The following KAZN variants were observed in gnomAD, a reference collection of about 807,000 sequenced individuals.
The protein encoded by KAZN is kazrin.
In KAZN, 40 loss-of-function variants were observed where a neutral mutation model predicts 87.4. That is an observed-to-expected ratio of 0.46 (90% CI 0.36 to 0.60). The LOEUF is 0.60. Among genes scored for constraint, KAZN ranks in the 20% least tolerant of loss-of-function variants. KAZN has a pLI of 0.00. For synonymous variants in KAZN, 466 were observed against 458.3 expected (o/e 1.02, Z -0.22); for missense variants, 898 against 1,073.9 (o/e 0.84, Z 2.29).
intron 1 of KAZN, among the ~76,000 whole-genome samples, chr1:14,763,723 G>A (rs929631377): frequency 8.5e-5 from 13 of 152,118 alleles, no homozygotes; most frequent in African/African-American, 2.9e-4. Flanking sequence ...GGGGAGATGG[G>A]ATGTAGGTAT....
At chr1:14,914,538 G>A (rs1657594568) in intron 1 of KAZN, among the ~76,000 whole-genome samples, 1 of 152,176 alleles carries the variant, frequency 6.6e-6, no homozygotes, top group African/African-American at 2.4e-5. Context: ...GGAGAGATGG[G>A]CACTTTAAGC....
chr1:14,604,073 C>A (rs987094338), intron 1 of KAZN, among the ~76,000 whole-genome samples: 2 of 152,290 alleles, frequency 1.3e-5, no homozygotes, highest in Admixed American at 6.5e-5. Flanking sequence ...CTTCTTACCC[C>A]CTGCCATATA....
intron 2 of KAZN, among the ~76,000 whole-genome samples, chr1:14,586,196 G>C (rs1675835925): frequency 6.6e-6 from 1 of 152,208 alleles, no homozygotes; most frequent in African/African-American, 2.4e-5. Flanking sequence ...TAAGATCAAA[G>C]GAATGCTTCC....
chr1:14,380,467 A>G (rs772130768), intron 2 of KAZN, among the ~76,000 whole-genome samples: 6 of 152,336 alleles, frequency 3.9e-5, no homozygotes, highest in Non-Finnish European at 5.9e-5. Context: ...AATTCAAGAT[A>G]ACACAAAGAA....
At chr1:14,598,348 G>GC (rs1292182272), upstream of KAZN, among the ~76,000 whole-genome samples, 1 of 152,116 alleles carries the variant, frequency 6.6e-6, no homozygotes, top group African/African-American at 2.4e-5. This position sits in a 1 kb window ranked among gnomAD's most constrained non-coding sequence, Gnocchi z 4.2. Flanking sequence ...CCCCTCTGAG[G>GC]CCCCCTTTCC....
chr1:15,039,320 C>T (rs1481163847), intron 3 of KAZN, among the ~76,000 whole-genome samples: 1 of 152,082 alleles, frequency 6.6e-6, no homozygotes, highest in African/African-American at 2.4e-5. Flanking sequence ...GGATGCAAAC[C>T]CAGGAGGTCT....
At chr1:14,442,458 G>A (rs576616757) in intron 2 of KAZN, among the ~76,000 whole-genome samples, 36 of 152,262 alleles carry the variant, frequency 2.4e-4, no homozygotes, top group Admixed American at 1.6e-3. Flanking sequence ...GTATGAGATC[G>A]TCACAGAGGA....
At chr1:14,247,171 T>A (rs1375338190) in intron 2 of KAZN, among the ~76,000 whole-genome samples, 1 of 152,202 alleles carries the variant, frequency 6.6e-6, no homozygotes, top group Non-Finnish European at 1.5e-5. Flanking sequence ...GTTACATTTT[T>A]AAAAATACGG....
In KAZN at chr1:14,217,591, T is replaced by C. The variant is rs563059969; in HGVS notation, c.249+36999T>C. Among the ~76,000 whole-genome samples, 103 of 152,048 alleles carry C rather than the reference T, an allele frequency of 6.8e-4. No homozygotes were observed. In the South Asian group the frequency reaches 0.018, roughly 27 times the overall value. ...CAAAGGAGATCCAACATACGTATAATAAGGGCTCCAAAGAAAATCAAAATG... is the reference window on the plus strand; with the variant it reads ...CAAAGGAGATCCAACATACGTATAACAAGGGCTCCAAAGAAAATCAAAATG... On this transcript the variant is annotated intron_variant, in intron 2 of 16. Coordinates refer to the KAZN transcript ENST00000636203.
chr1:14,280,955 A>G (rs1215387198), intron 2 of KAZN, among the ~76,000 whole-genome samples: 1 of 152,226 alleles, frequency 6.6e-6, no homozygotes, highest in Non-Finnish European at 1.5e-5. Context: ...TCACACAGGC[A>G]GTACACAGCC....
At chr1:15,082,590 C>A (rs894994445) in intron 8 of KAZN, among the ~76,000 whole-genome samples, 16 of 152,208 alleles carry the variant, frequency 1.1e-4, no homozygotes, top group African/African-American at 3.6e-4. Flanking sequence ...CAGGGACATG[C>A]GGGACCAGGA....
chr1:14,981,302 G>A (rs1666224751), intron 2 of KAZN, among the ~76,000 whole-genome samples: 1 of 152,226 alleles, frequency 6.6e-6, no homozygotes, highest in African/African-American at 2.4e-5. Flanking sequence ...GCTTGACCCA[G>A]TAGCACAGTT....
chr1:14,236,415 A>G (rs1043967197), intron 2 of KAZN, among the ~76,000 whole-genome samples: 1 of 152,154 alleles, frequency 6.6e-6, no homozygotes, highest in Non-Finnish European at 1.5e-5. Context: ...TTCTGAAGAT[A>G]ACTCAGGGTA....
chr1:14,867,854 T>C lies in KAZN; in HGVS notation c.227-92830T>C, dbSNP rs866119284. Among the ~76,000 whole-genome samples the C allele has an allele frequency of 8.2e-4, 104 of 127,094 alleles. 1 individual carries two copies. The highest frequency in any genetic ancestry group is 8.2e-3 in the Middle Eastern group (2 of 244). The allele number at this position is 127,094 out of a possible 152,430, so 83.4% of individuals were successfully genotyped here. On this transcript the variant is annotated intron_variant, in intron 1 of 14. Coordinates refer to ENST00000376030, the MANE Select transcript of KAZN (RefSeq NM_201628.3). Reference sequence around the variant, plus strand: ...TTTCCTGGGCTGAGCCAGTGATGTATATAAGGCTGTGGACTGCACTTGGAT... The same window carrying C: ...TTTCCTGGGCTGAGCCAGTGATGTACATAAGGCTGTGGACTGCACTTGGAT...
chr1:14,289,337 A>C (rs897113361), intron 2 of KAZN, among the ~76,000 whole-genome samples: 2 of 152,166 alleles, frequency 1.3e-5, no homozygotes, highest in African/African-American at 4.8e-5. Context: ...TAGGTCTCTA[A>C]GGACTTGCTT....
rs1246476894 is a variant in KAZN, at chr1:14,157,733, A to G, written c.92-22702A>G. Among the ~76,000 whole-genome samples the G allele has an allele frequency of 2.6e-5, 4 of 152,186 alleles. No individual in the cohort carries two copies. The South Asian group carries it at 6.2e-4, about 24-fold the overall frequency. ...TATTAGTCCATTTTCCCACTGCTAC[A>G]AAGATACTACTCAAGACTAGGTAAT... On this transcript the variant is annotated intron_variant, in intron 1 of 16. Coordinates refer to the KAZN transcript ENST00000636203.
intron 1 of KAZN, among the ~76,000 whole-genome samples, chr1:13,914,066 G>A (rs1297098535): frequency 6.6e-6 from 1 of 152,210 alleles, no homozygotes; most frequent in Non-Finnish European, 1.5e-5. Flanking sequence ...GAGAACCAAT[G>A]TGCTAGGATT....
chr1:14,532,455 T>TTTATTA (rs58279675), intron 2 of KAZN, among the ~76,000 whole-genome samples: 65 of 148,414 alleles, frequency 4.4e-4, no homozygotes, highest in African/African-American at 1.5e-3. Context: ...AACATGTGTT[T>TTTATTA]TTATTATTAT....
chr1:14,099,599 T>G (rs1237881339), intron 1 of KAZN, among the ~76,000 whole-genome samples: 1 of 152,166 alleles, frequency 6.6e-6, no homozygotes, highest in Non-Finnish European at 1.5e-5. Context: ...CCTTGAGAGA[T>G]ATGAAACTCC....
Sources: allele counts gnomAD v4.1 joint callset (sites outside exome capture counted in the v4.1 genomes callset), GRCh38; gene constraint gnomAD v4.1.1; non-coding constraint Gnocchi (gnomAD v3.1); transcripts MANE v1.5; gene names NCBI Gene and HGNC (gene_info 2026-07-23, HGNC 2026-07-21).